Variants in ZNF217 observed in about 807,000 individuals in gnomAD.
The protein encoded by ZNF217 is zinc finger protein 217.
ZNF217 carries 12 observed loss-of-function variants against 73.3 expected under a neutral mutation model. The observed-to-expected ratio is 0.16, with a 90% CI of 0.10 to 0.27. ZNF217 has a LOEUF of 0.27. ZNF217 is among the 10% of genes least tolerant of loss of function. ZNF217 has a pLI of 1.00. For missense variants in ZNF217, 1,195 were observed against 1,327.8 expected, an observed-to-expected ratio of 0.90 and a Z score of 1.55; for synonymous variants, 588 against 516.4, an observed-to-expected ratio of 1.14 and a Z score of -1.88.
At chr20:53,596,338 T>C (rs933586945), upstream of ZNF217, among the ~76,000 whole-genome samples, 1 of 152,204 alleles carries the variant, frequency 6.6e-6, no homozygotes, top group Non-Finnish European at 1.5e-5. Context: ...TATTTATATG[T>C]GATCCTCCTT....
chr20:53,594,625 G>A (rs984536529), upstream of ZNF217, among the ~76,000 whole-genome samples: 2 of 151,912 alleles, frequency 1.3e-5, no homozygotes, highest in Admixed American at 6.5e-5. Flanking sequence ...AGCCGTGACA[G>A]GTACCCGGGG....
At chr20:53,580,965 G>C (rs1435539950) in intron 2 of ZNF217, among the ~76,000 whole-genome samples, 1 of 152,186 alleles carries the variant, frequency 6.6e-6, no homozygotes, top group African/African-American at 2.4e-5. Context: ...TTTGGGACCA[G>C]ATAATTCTTT....
At chr20:53,588,740 A>AAT (rs1988787301) in intron 1 of ZNF217, among the ~76,000 whole-genome samples, 1 of 152,176 alleles carries the variant, frequency 6.6e-6, no homozygotes, top group Non-Finnish European at 1.5e-5. Context: ...AAGCTTAGGC[A>AAT]ATGCCTTTTA....
At chr20:53,589,132 G>T (rs985440599) in intron 1 of ZNF217, among the ~76,000 whole-genome samples, 2 of 152,082 alleles carry the variant, frequency 1.3e-5, no homozygotes, top group African/African-American at 4.8e-5. Flanking sequence ...AGAAAATAAT[G>T]GAACACCAAT....
intron 5 of ZNF217, 88 bp downstream of exon 5, chr20:53,571,633 T>C (rs879721491): frequency 9.5e-5 from 137 of 1,441,362 alleles, no homozygotes; most frequent in Non-Finnish European, 1.2e-4. Flanking sequence ...TCTCAAATGC[T>C]CGATCTCAGG....
At chr20:53,583,220 C>T (rs911675819) in intron 1 of ZNF217, 52 bp from the exon 2 acceptor site, 7 of 405,950 alleles carry the variant, frequency 1.7e-5, no homozygotes, top group African/African-American at 1.2e-4. Context: ...GAAGAGAAGG[C>T]TGGTGTGGGT....
At chr20:53,592,289 T>C (rs138879838) in intron 1 of ZNF217, among the ~76,000 whole-genome samples, 241 of 152,012 alleles carry the variant, frequency 1.6e-3, no homozygotes, top group African/African-American at 5.7e-3. Context: ...CCAAGCCCCA[T>C]AGACTGATTC....
chr20:53,569,678 CT>C (rs1485324099), intron 5 of ZNF217, among the ~76,000 whole-genome samples: 1 of 152,230 alleles, frequency 6.6e-6, no homozygotes, highest in African/African-American at 2.4e-5. Flanking sequence ...GCCACTGCGC[CT>C]GGCCCTGGGT....
At chr20:53,587,021 A>G (rs1272735017) in intron 1 of ZNF217, among the ~76,000 whole-genome samples, 1 of 152,250 alleles carries the variant, frequency 6.6e-6, no homozygotes, top group African/African-American at 2.4e-5. Flanking sequence ...ATGTTTTCCA[A>G]TGTTTAAAAA....
rs569839543 is a variant in ZNF217, at chr20:53,576,542, T to C, written c.2222A>G (p.Lys741Arg). Residue 741 changes from lysine to arginine, a missense_variant, in exon 4 of 6, where the codon AAA (lysine) becomes AGA (arginine). By Grantham distance (26) the Lys-to-Arg change is conservative. Coordinates refer to ENST00000371471, the MANE Select transcript of ZNF217 (RefSeq NM_006526.3). ...LEHKYNPDVH[K>R]NCRNKSLLRS... ...AAGCAAGGACTTGTTTCGACAGTTT[T>C]TATGAACGTCAGGATTGTATTTATG... 5.0e-6 allele frequency: 8 copies of C among 1,614,224 alleles called. No homozygotes were observed. The highest frequency in any genetic ancestry group is 1.7e-5 in the Admixed American group (1 of 60,030).
At chr20:53,592,205 C>G (rs892055451) in intron 1 of ZNF217, among the ~76,000 whole-genome samples, 9 of 152,188 alleles carry the variant, frequency 5.9e-5, no homozygotes, top group African/African-American at 2.2e-4. Context: ...GCCAATAATA[C>G]AGGACCCCCA....
chr20:53,569,047 A>G lies in ZNF217; in HGVS notation c.*241T>C. 2 of 1,038,628 alleles carry G rather than the reference A, an allele frequency of 1.9e-6. No individual in the cohort carries two copies. Among genetic ancestry groups the G allele is most frequent in the Non-Finnish European group, 2.4e-6 (2 of 827,258 alleles). The allele number at this position is 1,038,628 out of a possible 1,614,324, so 64.3% of individuals were successfully genotyped here. A position where few individuals can be genotyped will look rare whatever the true frequency, so the allele number is the denominator to read the frequency against. On this transcript the variant is annotated 3_prime_UTR_variant, in exon 6 of 6. Transcript: ENST00000371471. ...GACAAAATAGAGATTTCCAGTCCCC[A>G]TGTATGTAAGTTCCAACTGTTCCAA...
At chr20:53,594,694 C>T (rs1326060901), upstream of ZNF217, among the ~76,000 whole-genome samples, 1 of 152,118 alleles carries the variant, frequency 6.6e-6, no homozygotes, top group East Asian at 1.9e-4. Flanking sequence ...CCTGTCCCCG[C>T]CGCCCCCTCC....
chr20:53,573,962 C>T (rs1452887584), intron 4 of ZNF217, among the ~76,000 whole-genome samples: 1 of 151,612 alleles, frequency 6.6e-6, no homozygotes, highest in Non-Finnish European at 1.5e-5. Context: ...CCAAACTACT[C>T]GGGAGGCTGA....
intron 4 of ZNF217, among the ~76,000 whole-genome samples, chr20:53,574,014 G>A (rs1304378442): frequency 6.6e-6 from 1 of 151,232 alleles, no homozygotes; most frequent in Non-Finnish European, 1.5e-5. Flanking sequence ...AGATTGCAGT[G>A]AGCTGAGATC....
intron 1 of ZNF217, among the ~76,000 whole-genome samples, chr20:53,591,309 T>A (rs1988871277): frequency 6.6e-6 from 1 of 152,170 alleles, no homozygotes; most frequent in African/African-American, 2.4e-5. Context: ...AAGAAAAAAG[T>A]GTGTGTCCTT....
At position 53,569,631 on chromosome 20, in the gene ZNF217, G is replaced by A. The variant is rs561947523; in HGVS notation, c.*24-367C>T. On this transcript the variant is annotated intron_variant, in intron 5 of 5. Transcript: ENST00000371471. ...ACTCCTGACTTCAAGTGATCTGCCC[G>A]CCTTGGCCTCCCAAAGTGCTGCGAT... is the stretch of plus-strand genomic sequence containing the variant. 3.3e-5 allele frequency among the ~76,000 whole-genome samples: 5 copies of A among 152,280 alleles called. No individual in the cohort carries two copies. The South Asian group carries it at 8.3e-4, about 25-fold the overall frequency.
chr20:53,571,578 G>A lies in ZNF217; in HGVS notation c.*23+143C>T, dbSNP rs1351328087. The A allele has an allele frequency of 7.5e-6, 8 of 1,073,204 alleles. No individual in the cohort carries two copies. The South Asian group carries it at 9.6e-5, about 13-fold the overall frequency. 66.5% of individuals were successfully genotyped at this position (1,073,204 alleles called of 1,614,324 possible). A position where few individuals can be genotyped will look rare whatever the true frequency, so the allele number is the denominator to read the frequency against. The stretch of plus-strand genomic sequence containing the variant: ...CGCCACCACGCCCAGCTAAATTTGT[G>A]TATTTTTAGTACAGACAGGGGTTTC... On this transcript the variant is annotated intron_variant, in intron 5 of 5. Coordinates refer to ENST00000371471, the MANE Select transcript of ZNF217 (RefSeq NM_006526.3).
At chr20:53,587,231 G>T (rs941511472) in intron 1 of ZNF217, among the ~76,000 whole-genome samples, 46 of 152,206 alleles carry the variant, frequency 3.0e-4, no homozygotes, top group Non-Finnish European at 5.0e-4. Context: ...GGCTGGAATA[G>T]AAGTGTGATG....
Sources: allele counts gnomAD v4.1 joint callset (sites outside exome capture counted in the v4.1 genomes callset), GRCh38; gene constraint gnomAD v4.1.1; transcripts MANE v1.5; gene names NCBI Gene and HGNC (gene_info 2026-07-23, HGNC 2026-07-21).